The following SPOCK3 variants were observed in gnomAD, a reference collection of about 807,000 sequenced individuals.
The protein encoded by SPOCK3 is SPARC (osteonectin), cwcv and kazal like domains proteoglycan 3, also known as testican-3.
Under a neutral mutation model 56.6 loss-of-function variants are expected in SPOCK3, and 30 were observed. The ratio of observed to expected loss-of-function variants is 0.53; its 90% CI spans 0.40 to 0.72. SPOCK3 has a LOEUF of 0.72. SPOCK3 is among the 30% of genes least tolerant of loss of function. The probability of loss-of-function intolerance (pLI) is 0.00; values close to 1 mark genes in which losing one functional copy is unlikely to be tolerated. For synonymous variants in SPOCK3, 196 were observed against 183.3 expected, an observed-to-expected ratio of 1.07 and a Z score of -0.56; for missense variants, 527 against 530.0, an observed-to-expected ratio of 0.99 and a Z score of 0.06.
intron 6 of SPOCK3, among the ~76,000 whole-genome samples, chr4:166,861,467 C>A (rs2126910505): frequency 6.6e-6 from 1 of 152,226 alleles, no homozygotes; most frequent in East Asian, 1.9e-4. Flanking sequence ...AATTCTAGGT[C>A]AGCACTTCTT....
At chr4:166,913,782 C>T (rs750259271) in intron 4 of SPOCK3, among the ~76,000 whole-genome samples, 19 of 151,248 alleles carry the variant, frequency 1.3e-4, no homozygotes, top group African/African-American at 4.4e-4. Context: ...TTTTCTGTCT[C>T]TCTCTCTCTC....
intron 3 of SPOCK3, among the ~76,000 whole-genome samples, chr4:167,012,813 G>T (rs1160245375): frequency 2.0e-5 from 3 of 151,866 alleles, no homozygotes; most frequent in African/African-American, 7.2e-5. Context: ...TTGTTGTTCT[G>T]ATAGCAGTTT....
intron 2 of SPOCK3, among the ~76,000 whole-genome samples, chr4:167,225,647 T>C (rs746424573): frequency 4.6e-5 from 7 of 152,062 alleles, no homozygotes; most frequent in Non-Finnish European, 8.8e-5. Context: ...GTAGCAAGTA[T>C]GAAGATGGAA....
Position 166,917,556 on chromosome 4 carries a change from A to G in SPOCK3, c.351-4813T>C, listed in dbSNP as rs543631282. On this transcript the variant is annotated intron_variant, in intron 4 of 10. Coordinates refer to ENST00000357545, the MANE Select transcript of SPOCK3 (RefSeq NM_001040159.2). ...CAGAGAATTATTTTTTCAAAAAAAT[A>G]TTCATTTCTAAAAATCTGACTTAAA... Among the ~76,000 whole-genome samples, 21 of 152,286 alleles carry G rather than the reference A, an allele frequency of 1.4e-4. 1 individual carries two copies. The highest frequency in any genetic ancestry group is 6.8e-3 in the Middle Eastern group (2 of 294).
chr4:166,979,842 A>G (rs1325448592), intron 4 of SPOCK3, among the ~76,000 whole-genome samples: 2 of 152,190 alleles, frequency 1.3e-5, no homozygotes. Flanking sequence ...TGATAACTGT[A>G]ACCTCCCACC....
intron 7 of SPOCK3, among the ~76,000 whole-genome samples, chr4:166,787,339 C>G (rs758667365): frequency 1.3e-5 from 2 of 152,244 alleles, no homozygotes; most frequent in Non-Finnish European, 2.9e-5. Context: ...ATTTGGCTCT[C>G]TCTTGCATGT....
intron 8 of SPOCK3, among the ~76,000 whole-genome samples, chr4:166,752,723 C>T (rs182677198): frequency 1.3e-3 from 203 of 151,866 alleles, no homozygotes; most frequent in African/African-American, 4.7e-3. Context: ...AATAAAATTA[C>T]TTATTGAACT....
At chr4:166,755,773 A>G (rs1736986296) in intron 7 of SPOCK3, among the ~76,000 whole-genome samples, 1 of 151,412 alleles carries the variant, frequency 6.6e-6, no homozygotes, top group African/African-American at 2.4e-5. Context: ...TTTGTAGCTA[A>G]TTTTATGTTC....
intron 2 of SPOCK3, among the ~76,000 whole-genome samples, chr4:167,067,879 TTACTC>T (rs1396766842): frequency 4.0e-5 from 6 of 151,826 alleles, no homozygotes; most frequent in African/African-American, 9.7e-5. Flanking sequence ...GTTACATTGT[TTACTC>T]TAAGGCATTC....
In SPOCK3 at chr4:166,734,910, A is replaced by G. The variant is rs765355011; in HGVS notation, c.*11T>C. On this transcript the variant is annotated 3_prime_UTR_variant, in exon 11 of 11. Transcript: ENST00000357545. ...AGAAATGTAGAATTTATTGATTTCA[A>G]CTGTCATCAATCAAATGTATACATC... 16 of 1,500,384 alleles carry G rather than the reference A, an allele frequency of 1.1e-5. No individual in the cohort carries two copies. In the African/African-American group the frequency reaches 1.7e-4, roughly 16 times the overall value. The allele number at this position is 1,500,384 out of a possible 1,614,324, so 92.9% of individuals were successfully genotyped here.
intron 4 of SPOCK3, among the ~76,000 whole-genome samples, chr4:166,989,726 G>A (rs1030280898): frequency 2.0e-5 from 3 of 151,934 alleles, no homozygotes; most frequent in Non-Finnish European, 4.4e-5. Context: ...TAATTCTTAC[G>A]TTTTTTTGGT....
intron 2 of SPOCK3, among the ~76,000 whole-genome samples, chr4:167,090,358 T>A (rs969860050): frequency 2.6e-5 from 4 of 152,216 alleles, no homozygotes; most frequent in African/African-American, 9.6e-5. Context: ...TTCATTTTGG[T>A]TTTAATTTGC....
chr4:167,214,819 G>C (rs1735205417), intron 2 of SPOCK3, among the ~76,000 whole-genome samples: 1 of 152,008 alleles, frequency 6.6e-6, no homozygotes, highest in South Asian at 2.1e-4. Context: ...CTCTAGGTTT[G>C]AAAGCTTACC....
rs911564316 is a variant in SPOCK3, at chr4:166,842,735, T to C, written c.589+46395A>G. Among the ~76,000 whole-genome samples, 10 of 152,318 alleles carry C rather than the reference T, an allele frequency of 6.6e-5. No individual in the cohort carries two copies. In the Middle Eastern group the frequency reaches 0.01, roughly 155 times the overall value. The stretch of plus-strand genomic sequence containing the variant: ...CAATCCTGTGGCTAGACATAAAAGT[T>C]CTTCAAGTCCCCACCTGACTCAGGA... On this transcript the variant is annotated intron_variant, in intron 6 of 10. Transcript: ENST00000357545.
intron 4 of SPOCK3, among the ~76,000 whole-genome samples, chr4:166,966,341 GCTTT>G (rs1421142644): frequency 1.3e-4 from 19 of 151,624 alleles, no homozygotes; most frequent in African/African-American, 4.4e-4. Context: ...AATAACCATG[GCTTT>G]CTTTCAGTCA....
chr4:166,775,036 T>C (rs1390386226), intron 7 of SPOCK3, among the ~76,000 whole-genome samples: 1 of 152,160 alleles, frequency 6.6e-6, no homozygotes, highest in Non-Finnish European at 1.5e-5. Flanking sequence ...GAATTCTTCC[T>C]ACCACAATGT....
chr4:167,165,470 C>T (rs979820686), intron 2 of SPOCK3, among the ~76,000 whole-genome samples: 6 of 152,098 alleles, frequency 3.9e-5, no homozygotes, highest in Admixed American at 2.0e-4. Flanking sequence ...CTTATCATCA[C>T]TGGTCATTAG....
At chr4:167,108,457 T>C (rs1452136296) in intron 2 of SPOCK3, among the ~76,000 whole-genome samples, 1 of 151,932 alleles carries the variant, frequency 6.6e-6, no homozygotes, top group Non-Finnish European at 1.5e-5. Flanking sequence ...ATATACACAA[T>C]GGCATACTAT....
At chr4:166,992,944 T>C (rs1028231425) in intron 4 of SPOCK3, among the ~76,000 whole-genome samples, 3 of 152,200 alleles carry the variant, frequency 2.0e-5, no homozygotes, top group Non-Finnish European at 2.9e-5. Flanking sequence ...CACCATTAAC[T>C]GGCCTTCATC....
Sources: allele counts gnomAD v4.1 joint callset (sites outside exome capture counted in the v4.1 genomes callset), GRCh38; gene constraint gnomAD v4.1.1; transcripts MANE v1.5; gene names NCBI Gene and HGNC (gene_info 2026-07-23, HGNC 2026-07-21).